DNAH8: variants seen among roughly 807,000 people sequenced by gnomAD.
DNAH8 encodes the protein axonemal beta dynein heavy chain 8.
A neutral mutation model predicts 562.1 loss-of-function variants in DNAH8; 382 were observed. The observed-to-expected ratio is 0.68, with a 90% CI of 0.63 to 0.74. The LOEUF (loss-of-function observed/expected upper bound fraction) is 0.74, where lower values mean the gene tolerates loss of function less well. DNAH8 is among the 30% of genes least tolerant of loss of function. The pLI, the probability that DNAH8 is intolerant of heterozygous loss-of-function variation, is 0.00. For missense variants in DNAH8, 5,203 were observed against 5,620.4 expected (o/e 0.93, Z 2.37); for synonymous variants, 1,881 against 1,919.4 (o/e 0.98, Z 0.52).
intron 52 of DNAH8, 27 bp from the exon 53 acceptor site, chr6:38,875,564 A>C: frequency 7.5e-7 from 1 of 1,334,050 alleles, no homozygotes. Context: ...TTAATTTAAA[A>C]ATTTATTTTA....
chr6:38,955,974 G>C (rs991262984), intron 82 of DNAH8, among the ~76,000 whole-genome samples: 4 of 152,176 alleles, frequency 2.6e-5, no homozygotes, highest in African/African-American at 7.2e-5. Flanking sequence ...TTTTGGCCTT[G>C]AGCCTGCAAC....
In DNAH8 at chr6:38,996,317, G is replaced by A. The variant is rs375669964; in HGVS notation, c.13214+6145G>A. On this transcript the variant is annotated intron_variant, in intron 88 of 92. Transcript: ENST00000327475. ...TAGTCATGTCCACCTTCCCTCCTGA[G>A]TAGAGCTCATCTATGCCAATGGCCT... Among the ~76,000 whole-genome samples, 5 of 151,976 alleles carry A rather than the reference G, an allele frequency of 3.3e-5. No homozygotes were observed. The South Asian group carries it at 8.3e-4, about 25-fold the overall frequency.
intron 1 of DNAH8, among the ~76,000 whole-genome samples, chr6:38,715,959 TA>T (rs1189021434): frequency 0.012 from 323 of 27,454 alleles, 4 homozygotes; most frequent in Non-Finnish European, 0.018. Flanking sequence ...TATATATATA[TA>T]TTTTTTTTTT....
At chr6:38,838,421 CAG>C (rs1195362833) in intron 33 of DNAH8, among the ~76,000 whole-genome samples, 1 of 133,936 alleles carries the variant, frequency 7.5e-6, no homozygotes, top group Non-Finnish European at 1.6e-5. Flanking sequence ...TTTTTTGAGA[CAG>C]AGTCTCGCTC....
chr6:38,866,956 T>G (rs1777082296), intron 47 of DNAH8, 80 bp downstream of exon 47: 7 of 743,744 alleles, frequency 9.4e-6, no homozygotes, highest in Non-Finnish European at 8.9e-6. Context: ...TAAATACTCA[T>G]CAGTGAGTTA....
At chr6:38,935,743 G>A (rs1366307791) in intron 77 of DNAH8, 46 bp downstream of exon 77, 5 of 1,372,310 alleles carry the variant, frequency 3.6e-6, no homozygotes, top group Admixed American at 1.8e-5. Flanking sequence ...TCTGAATAAG[G>A]ATTTCATTTA....
At position 38,890,685 on chromosome 6, in the gene DNAH8, G is replaced by A. The variant is rs1333274783; in HGVS notation, c.8507G>A (p.Arg2836Lys). The stretch of plus-strand genomic sequence containing the variant: ...GGATGTGGATACTTTGATCCTTGTA[G>A]AAGTTTCAAGCCTCAAATATGTGAG... ...IIGCGYFDPC[R>K]SFKPQICEMI... The change falls in exon 58 of 93, where the codon AGA becomes AAA. Residue 2836 changes from arginine to lysine, a missense_variant. Physicochemically the swap from Arg to Lys is conservative, Grantham distance 26. Transcript: ENST00000327475. 6.2e-7 allele frequency: 1 copy of A among 1,613,606 alleles called. No individual in the cohort carries two copies. Among genetic ancestry groups the A allele is most frequent in the South Asian group, 1.1e-5 (1 of 91,058 alleles).
chr6:38,851,706 T>G (rs1005818515), intron 39 of DNAH8, 32 bp downstream of exon 39: 2 of 1,370,354 alleles, frequency 1.5e-6, no homozygotes, highest in African/African-American at 2.9e-5. Flanking sequence ...TCTAACTTGC[T>G]TTTCCCACGA....
At chr6:38,917,501 A>G in intron 69 of DNAH8, 95 bp downstream of exon 69, 1 of 987,144 alleles carries the variant, frequency 1.0e-6, no homozygotes, top group Non-Finnish European at 1.5e-6. Context: ...GCAGACAATA[A>G]TTGATCATTG....
intron 23 of DNAH8, 46 bp from the exon 24 acceptor site, chr6:38,807,563 GT>G: frequency 2.7e-6 from 3 of 1,104,126 alleles, no homozygotes; most frequent in Non-Finnish European, 3.7e-6. Context: ...GATGCTCTAG[GT>G]TTTTTGGAGG....
chr6:38,770,576 C>T lies in DNAH8; in HGVS notation c.1764+17C>T. On this transcript the variant is annotated intron_variant, in intron 12 of 92. Transcript: ENST00000327475. Reference sequence around the variant, plus strand: ...CTGGAGAAGGTAAGCATTATGCAGTCATCGTACCCCACTCCACACCACACC... The same window carrying T: ...CTGGAGAAGGTAAGCATTATGCAGTTATCGTACCCCACTCCACACCACACC... 6.4e-7 allele frequency: 1 copy of T among 1,564,882 alleles called. No individual in the cohort carries two copies. Among genetic ancestry groups the T allele is most frequent in the Non-Finnish European group, 8.6e-7 (1 of 1,161,678 alleles).
At chr6:38,837,871 T>C in intron 32 of DNAH8, 71 bp from the exon 33 acceptor site, 1 of 1,129,534 alleles carries the variant, frequency 8.9e-7, no homozygotes, top group East Asian at 2.5e-5. Context: ...TTTATCCCAA[T>C]GAAAATAAAT....
At chr6:39,025,889 A>C (rs1189836342) in intron 91 of DNAH8, among the ~76,000 whole-genome samples, 3 of 152,244 alleles carry the variant, frequency 2.0e-5, no homozygotes, top group Admixed American at 1.3e-4. Context: ...GTTACTCTCC[A>C]AGAAAGGCTT....
chr6:38,804,933 T>C (rs908695785), intron 22 of DNAH8, among the ~76,000 whole-genome samples: 1 of 96,718 alleles, frequency 1.0e-5, no homozygotes, highest in Non-Finnish European at 2.1e-5. Flanking sequence ...GGGGAGGGGG[T>C]GGGTGTTGCT....
chr6:38,736,725 A>G (rs550493520), intron 5 of DNAH8, among the ~76,000 whole-genome samples: 2 of 148,996 alleles, frequency 1.3e-5, no homozygotes, highest in Admixed American at 6.7e-5. Flanking sequence ...AAAAAAAAAA[A>G]TCATGGACAG....
Position 38,984,205 on chromosome 6 carries a change from G to A in DNAH8, c.12952-1G>A, listed in dbSNP as rs761243234. 2 of 1,522,842 alleles carry A rather than the reference G, an allele frequency of 1.3e-6. No individual in the cohort carries two copies. The highest frequency in any genetic ancestry group is 1.8e-6 in the Non-Finnish European group (2 of 1,100,900). The allele number at this position is 1,522,842 out of a possible 1,614,324, so 94.3% of individuals were successfully genotyped here. On this transcript the variant is annotated splice_acceptor_variant, in intron 86 of 92. Transcript: ENST00000327475. LOFTEE classifies it high-confidence loss of function. ...ATAATCCTTTTTTACTTTTAATAAA[G>A]GGTGTATCATGGAATACGGTTCGGT... is the stretch of plus-strand genomic sequence containing the variant.
chr6:38,719,962 AT>A (rs1196018191), intron 1 of DNAH8, among the ~76,000 whole-genome samples: 1 of 152,190 alleles, frequency 6.6e-6, no homozygotes, highest in Non-Finnish European at 1.5e-5. Flanking sequence ...ATCACCAACA[AT>A]ATCCCAAAAC....
intron 1 of DNAH8, among the ~76,000 whole-genome samples, chr6:38,717,930 T>G (rs941020235): frequency 2.0e-5 from 3 of 152,212 alleles, no homozygotes; most frequent in Non-Finnish European, 4.4e-5. Context: ...ATCTTAGAAT[T>G]GATGAAATAC....
Position 39,008,799 on chromosome 6 carries a change from C to T in DNAH8, c.13215-15C>T, listed in dbSNP as rs12210777. ...TTTCCCTGTAACATTCTGAACAGCTCACTCTTTTTACTAGGTATCAGAGTA... is the reference window on the plus strand; with the variant it reads ...TTTCCCTGTAACATTCTGAACAGCTTACTCTTTTTACTAGGTATCAGAGTA... On this transcript the variant is annotated splice_polypyrimidine_tract_variant and intron_variant, in intron 88 of 92. Coordinates refer to ENST00000327475, the MANE Select transcript of DNAH8 (RefSeq NM_001206927.2). 0.094 allele frequency: 146,572 copies of T among 1,552,822 alleles called. 8,431 individuals are homozygous for T. The highest frequency in any genetic ancestry group is 0.23 in the Admixed American group (13,592 of 58,248).
Sources: allele counts gnomAD v4.1 joint callset (sites outside exome capture counted in the v4.1 genomes callset), GRCh38; gene constraint gnomAD v4.1.1; transcripts MANE v1.5; gene names NCBI Gene and HGNC (gene_info 2026-07-23, HGNC 2026-07-21).